The following CKAP5 variants were observed in gnomAD, a reference collection of about 807,000 sequenced individuals.
CKAP5 encodes the protein cytoskeleton associated protein 5.
In CKAP5, 27 loss-of-function variants were observed where a neutral mutation model predicts 232.8. That is an observed-to-expected ratio of 0.12 (90% CI 0.09 to 0.16). The LOEUF (loss-of-function observed/expected upper bound fraction) is 0.16, where lower values mean the gene tolerates loss of function less well. Among genes scored for constraint, CKAP5 ranks in the 10% least tolerant of loss-of-function variants. CKAP5 has a pLI of 1.00. For synonymous variants in CKAP5, 785 were observed against 841.1 expected, an observed-to-expected ratio of 0.93 and a Z score of 1.16; for missense variants, 1,838 against 2,424.7, an observed-to-expected ratio of 0.76 and a Z score of 5.08.
chr11:46,836,151 C>A (rs568180908), intron 1 of CKAP5, among the ~76,000 whole-genome samples: 1 of 152,122 alleles, frequency 6.6e-6, no homozygotes, highest in African/African-American at 2.4e-5. Context: ...AATATGTTAC[C>A]CTGAATTGGA....
chr11:46,792,389 C>T (rs1467972683), intron 13 of CKAP5, among the ~76,000 whole-genome samples: 2 of 152,022 alleles, frequency 1.3e-5, no homozygotes, highest in Non-Finnish European at 2.9e-5. Context: ...CTCATCTCTA[C>T]TAAAAATACA....
At chr11:46,765,535 A>G (rs1339035039) in intron 27 of CKAP5, among the ~76,000 whole-genome samples, 1 of 151,974 alleles carries the variant, frequency 6.6e-6, no homozygotes, top group Non-Finnish European at 1.5e-5. Context: ...CTAGGTCACA[A>G]ACTTTTTGTT....
chr11:46,826,301 G>T (rs1449237919), intron 1 of CKAP5, among the ~76,000 whole-genome samples: 9 of 152,170 alleles, frequency 5.9e-5, no homozygotes, highest in Non-Finnish European at 1.3e-4. Context: ...TGGAGAGACA[G>T]CTAAACCTGG....
rs1434440711 is a variant in CKAP5, at chr11:46,746,674, A to AG, written c.5705-2098dup. Among the ~76,000 whole-genome samples, 9 of 152,352 alleles carry AG rather than the reference A, an allele frequency of 5.9e-5. No homozygotes were observed. In the South Asian group the frequency reaches 1.9e-3, roughly 32 times the overall value. On this transcript the variant is annotated intron_variant, in intron 42 of 43. Coordinates refer to ENST00000529230, the MANE Select transcript of CKAP5 (RefSeq NM_001008938.4). ...GACATTTACCAGGAATGGAGCTTGCAGGACTGGAAGTTGCTCTGGGTGAGT... is the reference window on the plus strand; with the variant it reads ...GACATTTACCAGGAATGGAGCTTGCAGGGACTGGAAGTTGCTCTGGGTGAGT...
chr11:46,776,318 T>C lies in CKAP5; in HGVS notation c.2928A>G (p.Glu976=), dbSNP rs142086522. ...NAWAEQTGMK[E]WLEGEDLSEE... ...CAGAAAGATCTTCTCCTTCCAGCCA[T>C]TCCTTCATGCCAGTCTGTTCTGCCC... is the stretch of plus-strand genomic sequence containing the variant. The change falls in exon 24 of 44, where the codon GAA becomes GAG. Residue 976 remains glutamate (E), a synonymous_variant. Transcript: ENST00000529230. 6.2e-6 allele frequency: 10 copies of C among 1,613,920 alleles called. No homozygotes were observed. In the African/African-American group the frequency reaches 1.1e-4, roughly 17 times the overall value.
chr11:46,779,663 A>G (rs560800349), intron 20 of CKAP5, among the ~76,000 whole-genome samples: 1 of 151,610 alleles, frequency 6.6e-6, no homozygotes, highest in Admixed American at 6.6e-5. Context: ...TGTGTGGCCT[A>G]GGCTTGAGTA....
chr11:46,809,558 G>T, intron 6 of CKAP5, 58 bp from the exon 7 acceptor site: 1 of 1,422,538 alleles, frequency 7.0e-7, no homozygotes, highest in Non-Finnish European at 9.8e-7. Flanking sequence ...TTACTTATCA[G>T]TTATCAGTCC....
chr11:46,829,218 G>T (rs1233861536), intron 1 of CKAP5, among the ~76,000 whole-genome samples: 1 of 152,186 alleles, frequency 6.6e-6, no homozygotes, highest in Non-Finnish European at 1.5e-5. Context: ...AAGACAGCAA[G>T]ACCAACCCCT....
At chr11:46,761,971 T>G in intron 32 of CKAP5, 29 bp downstream of exon 32, 1 of 1,567,710 alleles carries the variant, frequency 6.4e-7, no homozygotes, top group Non-Finnish European at 8.7e-7. Flanking sequence ...TTTCACGACA[T>G]GCTGACAGTG....
At chr11:46,779,537 C>A (rs190300285) in intron 20 of CKAP5, among the ~76,000 whole-genome samples, 1 of 152,172 alleles carries the variant, frequency 6.6e-6, no homozygotes, top group African/African-American at 2.4e-5. Context: ...CAGTATGTTG[C>A]CCAGGCTGGA....
chr11:46,795,333 A>T (rs1938843855), intron 13 of CKAP5, among the ~76,000 whole-genome samples: 1 of 152,090 alleles, frequency 6.6e-6, no homozygotes, highest in African/African-American at 2.4e-5. Flanking sequence ...ATCTCAAAAA[A>T]AAAAAAAGTT....
In CKAP5 at chr11:46,779,129, TAAA is replaced by T. The variant is rs1412546840; in HGVS notation, c.2434-533_2434-531del. On this transcript the variant is annotated intron_variant, in intron 20 of 43. Transcript: ENST00000529230. ...ACCCAAAAACAAAACAAACAAAACA[TAAA>T]AATTTTTTTTTTTCTTTTTGAGACA... Among the ~76,000 whole-genome samples the T allele has an allele frequency of 4.0e-5, 6 of 151,838 alleles. No homozygotes were observed. In the South Asian group the frequency reaches 1.2e-3, roughly 32 times the overall value.
At chr11:46,812,853 G>C (rs888550967) in intron 4 of CKAP5, among the ~76,000 whole-genome samples, 2 of 152,004 alleles carry the variant, frequency 1.3e-5, no homozygotes, top group Admixed American at 1.3e-4. Flanking sequence ...TTGTTGCCCA[G>C]GCTGGTCTTG....
chr11:46,796,214 A>C (rs1246604042), intron 12 of CKAP5, among the ~76,000 whole-genome samples: 1 of 152,016 alleles, frequency 6.6e-6, no homozygotes, highest in East Asian at 1.9e-4. Context: ...TTTCCCTTTC[A>C]ACAAAAAAGA....
At chr11:46,799,696 G>A (rs1174490273) in intron 9 of CKAP5, among the ~76,000 whole-genome samples, 1 of 152,152 alleles carries the variant, frequency 6.6e-6, no homozygotes, top group Non-Finnish European at 1.5e-5. Context: ...ACCATAATTT[G>A]GTAAATTAAA....
chr11:46,798,241 C>T (rs1938926265), intron 9 of CKAP5, 69 bp from the exon 10 acceptor site: 5 of 1,094,608 alleles, frequency 4.6e-6, no homozygotes, highest in Non-Finnish European at 6.9e-6. Context: ...TATCCTAGAA[C>T]ATGGCTGAAC....
At chr11:46,747,063 G>C (rs1450068321) in intron 42 of CKAP5, among the ~76,000 whole-genome samples, 1 of 151,890 alleles carries the variant, frequency 6.6e-6, no homozygotes, top group Non-Finnish European at 1.5e-5. Context: ...CTTGAACCTA[G>C]GAGGTGGAGG....
intron 16 of CKAP5, among the ~76,000 whole-genome samples, chr11:46,786,678 A>T (rs2065397415): frequency 6.6e-6 from 1 of 152,216 alleles, no homozygotes; most frequent in African/African-American, 2.4e-5. Context: ...TCATGCGAAT[A>T]TTCAAGGTTA....
chr11:46,789,652 C>T (rs901261625), intron 15 of CKAP5, among the ~76,000 whole-genome samples: 5 of 151,196 alleles, frequency 3.3e-5, no homozygotes, highest in Admixed American at 6.6e-5. Context: ...AAAAATTAGC[C>T]GGGTGTGGTG....
Sources: allele counts gnomAD v4.1 joint callset (sites outside exome capture counted in the v4.1 genomes callset), GRCh38; gene constraint gnomAD v4.1.1; transcripts MANE v1.5; gene names NCBI Gene and HGNC (gene_info 2026-07-23, HGNC 2026-07-21).